RBFOX1: variants seen among roughly 807,000 people sequenced by gnomAD.
RBFOX1 encodes RNA binding fox-1 homolog 1.
Under a neutral mutation model 57.7 loss-of-function variants are expected in RBFOX1, and 8 were observed. The observed-to-expected ratio is 0.14, with a 90% confidence interval of 0.08 to 0.25. RBFOX1 has a LOEUF of 0.25. Among genes scored for constraint, RBFOX1 ranks in the 10% least tolerant of loss-of-function variants. The pLI, the probability that RBFOX1 is intolerant of heterozygous loss-of-function variation, is 1.00. For missense variants in RBFOX1, 611 were observed against 548.5 expected, an observed-to-expected ratio of 1.11 and a Z score of -1.14; for synonymous variants, 326 against 222.4, an observed-to-expected ratio of 1.47 and a Z score of -4.15.
At chr16:5,756,090 A>G (rs1440642072) in intron 3 of RBFOX1, among the ~76,000 whole-genome samples, 2 of 152,036 alleles carry the variant, frequency 1.3e-5, no homozygotes, top group African/African-American at 4.8e-5. Context: ...GTGCCTTCTA[A>G]GTCAGGCACT....
chr16:5,539,453 G>A (rs1160362430), intron 2 of RBFOX1, among the ~76,000 whole-genome samples: 1 of 143,566 alleles, frequency 7.0e-6, no homozygotes, highest in Non-Finnish European at 1.5e-5. Context: ...TTAGCCGGGT[G>A]TAGTGGAAAA....
intron 5 of RBFOX1, among the ~76,000 whole-genome samples, chr16:7,573,345 C>A (rs1040212473): frequency 6.6e-6 from 1 of 152,258 alleles, no homozygotes; most frequent in East Asian, 1.9e-4. Context: ...ACCTAGAGAG[C>A]CAATGACGAT....
chr16:7,363,364 A>G (rs1244702493), intron 4 of RBFOX1, among the ~76,000 whole-genome samples: 3 of 152,154 alleles, frequency 2.0e-5, no homozygotes, highest in Admixed American at 6.5e-5. Flanking sequence ...CTTCTGTCCA[A>G]GGGGGTAAAA....
chr16:5,895,240 T>G (rs2058137452), intron 4 of RBFOX1, among the ~76,000 whole-genome samples: 1 of 152,186 alleles, frequency 6.6e-6, no homozygotes, highest in African/African-American at 2.4e-5. Context: ...GGCAGTTTCA[T>G]GGGGGATGAT....
At chr16:6,790,676 G>C (rs551361545) in intron 3 of RBFOX1, among the ~76,000 whole-genome samples, 10 of 152,164 alleles carry the variant, frequency 6.6e-5, no homozygotes, top group African/African-American at 2.4e-4. Context: ...ATTTTCACTT[G>C]TATGGTGGAT....
chr16:7,685,523 A>G (rs1037652101), intron 14 of RBFOX1, among the ~76,000 whole-genome samples: 3 of 152,084 alleles, frequency 2.0e-5, no homozygotes, highest in Non-Finnish European at 4.4e-5. Context: ...GTTTTTTCCT[A>G]TGCTAAGTGG....
At chr16:6,039,774 A>T (rs1236304671) in intron 1 of RBFOX1, among the ~76,000 whole-genome samples, 1 of 152,374 alleles carries the variant, frequency 6.6e-6, no homozygotes, top group South Asian at 2.1e-4. Context: ...AATGCAAAAC[A>T]TACCAATGAA....
In RBFOX1 at chr16:7,021,505, AATATT is replaced by A. The variant is rs1028947156; in HGVS notation, c.-15-30546_-15-30542del. Among the ~76,000 whole-genome samples, 32 of 145,270 alleles carry A rather than the reference AATATT, an allele frequency of 2.2e-4. 1 individual carries two copies. The highest frequency in any genetic ancestry group is 3.5e-4 in the Non-Finnish European group (23 of 65,948). ...ATATTTTATATTAATATTTTATATA[AATATT>A]ATATTTTATAAAATTTATAAAATTT... On this transcript the variant is annotated intron_variant, in intron 3 of 15. Coordinates refer to ENST00000550418, the MANE Select transcript of RBFOX1 (RefSeq NM_018723.4).
chr16:6,010,300 A>G (rs1186345735), intron 4 of RBFOX1, among the ~76,000 whole-genome samples: 2 of 152,174 alleles, frequency 1.3e-5, no homozygotes, highest in South Asian at 4.1e-4. Context: ...ACCGTCACCA[A>G]TAAGTGATGG....
intron 4 of RBFOX1, among the ~76,000 whole-genome samples, chr16:7,203,553 T>A (rs1273705369): frequency 3.9e-5 from 6 of 152,236 alleles, no homozygotes; most frequent in African/African-American, 1.2e-4. Flanking sequence ...TGTATTTGTG[T>A]TACCACTGTG....
chr16:7,302,192 A>T (rs2096051829), intron 4 of RBFOX1, among the ~76,000 whole-genome samples: 2 of 152,122 alleles, frequency 1.3e-5, no homozygotes, highest in Admixed American at 6.5e-5. Flanking sequence ...GAGAGGTTGG[A>T]GGCACTGGTT....
intron 3 of RBFOX1, among the ~76,000 whole-genome samples, chr16:6,990,917 G>A (rs541292739): frequency 3.6e-4 from 55 of 151,920 alleles, no homozygotes; most frequent in Non-Finnish European, 6.6e-4. Flanking sequence ...AGTGACTCTC[G>A]CAATTTATTG....
intron 2 of RBFOX1, among the ~76,000 whole-genome samples, chr16:5,508,108 A>G (rs1259731910): frequency 6.6e-6 from 1 of 152,204 alleles, no homozygotes; most frequent in African/African-American, 2.4e-5. Context: ...CTATGGAACA[A>G]TAGTATGCAA....
intron 3 of RBFOX1, among the ~76,000 whole-genome samples, chr16:5,662,469 A>T (rs1324952712): frequency 6.6e-6 from 1 of 152,174 alleles, no homozygotes; most frequent in African/African-American, 2.4e-5. Context: ...TCATAAGAAA[A>T]TGAGAGTAAA....
chr16:6,580,458 C>T (rs1359972988), intron 2 of RBFOX1, among the ~76,000 whole-genome samples: 2 of 152,178 alleles, frequency 1.3e-5, no homozygotes, highest in African/African-American at 2.4e-5. Context: ...ATATGCAAAG[C>T]CACAATAATA....
chr16:5,960,066 T>G (rs925640047), intron 4 of RBFOX1, among the ~76,000 whole-genome samples: 20 of 151,986 alleles, frequency 1.3e-4, no homozygotes, highest in African/African-American at 4.3e-4. Flanking sequence ...CCGGGCATGG[T>G]GACATGTGCC....
intron 14 of RBFOX1, among the ~76,000 whole-genome samples, chr16:7,685,080 G>C (rs905499931): frequency 6.6e-6 from 1 of 152,014 alleles, no homozygotes; most frequent in African/African-American, 2.4e-5. Context: ...TGAGAATGTA[G>C]AATCCCAAAC....
At chr16:6,814,622 G>C (rs936906497) in intron 3 of RBFOX1, among the ~76,000 whole-genome samples, 1 of 152,186 alleles carries the variant, frequency 6.6e-6, no homozygotes, top group Non-Finnish European at 1.5e-5. Context: ...GTTAAGGACA[G>C]AGCTGAATGA....
At chr16:7,444,629 C>T (rs1200933285) in intron 4 of RBFOX1, among the ~76,000 whole-genome samples, 1 of 152,010 alleles carries the variant, frequency 6.6e-6, no homozygotes, top group African/African-American at 2.4e-5. Flanking sequence ...ACCTCCCAGG[C>T]TCAAGTGATC....
Sources: gnomAD v4.1 joint callset for allele counts (sites outside exome capture counted in the v4.1 genomes callset) on GRCh38, gnomAD v4.1.1 for gene constraint, MANE v1.5 for transcripts, NCBI Gene and HGNC (gene_info 2026-07-23, HGNC 2026-07-21) for gene names.